The following SP140 variants were observed in gnomAD, a reference collection of about 807,000 sequenced individuals.
SP140 encodes the protein SP140 nuclear body protein.
In SP140, 81 loss-of-function variants were observed where a neutral mutation model predicts 125.0. The ratio of observed to expected loss-of-function variants is 0.65; its 90% CI spans 0.54 to 0.78. The LOEUF (loss-of-function observed/expected upper bound fraction) is 0.78, where lower values mean the gene tolerates loss of function less well. Among genes scored for constraint, SP140 ranks in the 30% least tolerant of loss-of-function variants. The probability of loss-of-function intolerance (pLI) is 0.00; values close to 1 mark genes in which losing one functional copy is unlikely to be tolerated. For missense variants in SP140, 858 were observed against 1,037.0 expected, an observed-to-expected ratio of 0.83 and a Z score of 2.37; for synonymous variants, 312 against 354.0, an observed-to-expected ratio of 0.88 and a Z score of 1.33.
At chr2:230,294,366 A>G in intron 21 of SP140, 48 bp downstream of exon 21, 2 of 1,422,574 alleles carry the variant, frequency 1.4e-6, no homozygotes, top group Non-Finnish European at 9.9e-7. Flanking sequence ...TAACTGATTT[A>G]GCATGCACAA....
intron 1 of SP140, among the ~76,000 whole-genome samples, chr2:230,230,247 G>C (rs2047056231): frequency 6.6e-6 from 1 of 152,290 alleles, no homozygotes; most frequent in South Asian, 2.1e-4. Flanking sequence ...TGAAATCACA[G>C]GGGGTTGAAG....
chr2:230,255,318 C>A, intron 11 of SP140, 134 bp from the exon 12 acceptor site: 1 of 948,342 alleles, frequency 1.1e-6, no homozygotes, highest in Non-Finnish European at 1.6e-6. Flanking sequence ...ACAGGGCAGA[C>A]CAGGAGGACC....
intron 4 of SP140, among the ~76,000 whole-genome samples, chr2:230,243,432 C>T (rs745970045): frequency 1.6e-4 from 25 of 151,762 alleles, no homozygotes; most frequent in Admixed American, 5.2e-4. Context: ...AAGAAACATC[C>T]GCAGAAAAAA....
chr2:230,191,094 AG>A, the SP140 span, among the ~76,000 whole-genome samples: 1 of 152,170 alleles, frequency 6.6e-6, no homozygotes, highest in African/African-American at 2.4e-5. Flanking sequence ...AATTCTGTGA[AG>A]AATGTAGAGA....
At chr2:230,198,271 C>T (rs1417213176), upstream of SP140, among the ~76,000 whole-genome samples, 5 of 152,112 alleles carry the variant, frequency 3.3e-5, no homozygotes, top group Admixed American at 2.6e-4. Flanking sequence ...ATGCTGTGAC[C>T]CAGAAGTGAC....
intron 1 of SP140, among the ~76,000 whole-genome samples, chr2:230,229,192 T>C (rs2046884347): frequency 6.6e-6 from 1 of 151,918 alleles, no homozygotes; most frequent in South Asian, 2.1e-4. Flanking sequence ...GCCCTCCTGT[T>C]CTTTTTAACA....
chr2:230,220,075 G>A, intron 3 of SP140: 5 of 985,506 alleles, frequency 5.1e-6, no homozygotes, highest in Middle Eastern at 1.0e-3. Context: ...AAGGCAGGTC[G>A]GTGCCTGCAG....
intron 22 of SP140, among the ~76,000 whole-genome samples, chr2:230,298,496 G>A (rs2057973108): frequency 1.3e-5 from 2 of 152,192 alleles, no homozygotes; most frequent in African/African-American, 4.8e-5. Context: ...AACAGCCCTG[G>A]AAGTCAGTGT....
chr2:230,313,452 C>G (rs2059452792), downstream of SP140, among the ~76,000 whole-genome samples: 1 of 152,220 alleles, frequency 6.6e-6, no homozygotes, highest in African/African-American at 2.4e-5. Context: ...CACCCCGTGG[C>G]CTGAGGCCAG....
chr2:230,211,647 A>G lies in SP140; in HGVS notation c.-322-2007A>G, dbSNP rs750357493. ...GAATGCTCTATTCCAACAAGTAAAA[A>G]TGACGGGGTAACAGCAACCAAGGCC... On this transcript the variant is annotated intron_variant, in intron 1 of 4. Coordinates refer to the SP140 transcript ENST00000456542. The surrounding 1 kb of genome is among the most constrained non-coding windows in gnomAD (Gnocchi z 4.2). The G allele has an allele frequency of 1.2e-6, 1 of 827,082 alleles. No individual in the cohort carries two copies. The highest frequency in any genetic ancestry group is 2.1e-6 in the Non-Finnish European group (1 of 475,622). The allele number at this position is 827,082 out of a possible 1,614,324, so 51.2% of individuals were successfully genotyped here. A position where few individuals can be genotyped will look rare whatever the true frequency, so the allele number is the denominator to read the frequency against.
intron 9 of SP140, among the ~76,000 whole-genome samples, chr2:230,249,261 AAC>A: frequency 6.6e-6 from 1 of 152,260 alleles, no homozygotes; most frequent in African/African-American, 2.4e-5. Flanking sequence ...GATGTTATTA[AAC>A]ACACATTAAA....
In SP140 at chr2:230,255,504, C is replaced by T; in HGVS notation, c.1212C>T (p.Ala404=). ...EMCDGEERQE[A]SSSLARRGSV... ...GTGATGGAGAAGAGCGCCAGGAAGC[C>T]TCTAGCTCCCTAGCAAGACGTGGGT... The change falls in exon 12 of 27, where the codon GCC becomes GCT. Residue 404 remains alanine (A), a synonymous_variant. Coordinates refer to ENST00000392045, the MANE Select transcript of SP140 (RefSeq NM_007237.5). The T allele has an allele frequency of 6.2e-7, 1 of 1,612,398 alleles. No homozygotes were observed.
intron 12 of SP140, among the ~76,000 whole-genome samples, chr2:230,269,046 T>A (rs1173328700): frequency 2.6e-5 from 4 of 151,982 alleles, no homozygotes; most frequent in African/African-American, 9.7e-5. Context: ...GTGTAGGGAC[T>A]CCAGACCTTC....
chr2:230,223,838 A>T (rs529829698), upstream of SP140, among the ~76,000 whole-genome samples: 4 of 152,378 alleles, frequency 2.6e-5, no homozygotes, highest in Non-Finnish European at 4.4e-5. Flanking sequence ...GAAATCTTCC[A>T]GGTAGAATGA....
intron 21 of SP140, among the ~76,000 whole-genome samples, chr2:230,294,542 G>A (rs191094239): frequency 6.6e-6 from 1 of 152,214 alleles, no homozygotes; most frequent in Non-Finnish European, 1.5e-5. Flanking sequence ...TTCATATGAA[G>A]ATGATAAGGA....
chr2:230,270,192 T>C (rs143031130), intron 14 of SP140, among the ~76,000 whole-genome samples: 165 of 152,338 alleles, frequency 1.1e-3, no homozygotes, highest in Admixed American at 2.3e-3. Flanking sequence ...ATGGCACTTA[T>C]CTTGTGTATT....
chr2:230,263,725 A>G (rs2052637405), intron 12 of SP140, among the ~76,000 whole-genome samples: 1 of 152,102 alleles, frequency 6.6e-6, no homozygotes, highest in East Asian at 1.9e-4. Flanking sequence ...TCCTTCGTAT[A>G]TGATGCTTAG....
chr2:230,272,564 C>T (rs563903183), intron 15 of SP140, among the ~76,000 whole-genome samples: 23 of 152,244 alleles, frequency 1.5e-4, no homozygotes, highest in African/African-American at 2.4e-4. Context: ...CCATGTAAGA[C>T]GTGACTTGCT....
chr2:230,212,679 C>T, intron 1 of SP140: 1 of 1,551,816 alleles, frequency 6.4e-7, no homozygotes. Context: ...CAATAAAAGT[C>T]AAGATGCTGG....
Sources: gnomAD v4.1 joint callset for allele counts (sites outside exome capture counted in the v4.1 genomes callset) on GRCh38, gnomAD v4.1.1 for gene constraint, Gnocchi (gnomAD v3.1) non-coding constraint, MANE v1.5 for transcripts, NCBI Gene and HGNC (gene_info 2026-07-23, HGNC 2026-07-21) for gene names.